Variants in CSMD1 observed in about 807,000 individuals in gnomAD.
CSMD1 encodes the protein CUB and sushi domain-containing protein 1.
CSMD1 carries 213 observed loss-of-function variants against 417.5 expected under a neutral mutation model. The ratio of observed to expected loss-of-function variants is 0.51; its 90% CI spans 0.46 to 0.57. The LOEUF is 0.57. Ranked by LOEUF, CSMD1 falls within the 20% of genes least tolerant of loss-of-function variation. The pLI is 0.00. For missense variants in CSMD1, 6,923 were observed against 4,529.7 expected, an observed-to-expected ratio of 1.53 and a Z score of -15.17; for synonymous variants, 2,862 against 1,736.8, an observed-to-expected ratio of 1.65 and a Z score of -16.11.
chr8:3,168,839 C>T (rs1199304143), intron 37 of CSMD1, among the ~76,000 whole-genome samples: 1 of 152,084 alleles, frequency 6.6e-6, no homozygotes, highest in African/African-American at 2.4e-5. Context: ...TTGTTACATC[C>T]TGCAGTCTCT....
chr8:4,644,851 T>A (rs556159923), intron 1 of CSMD1, among the ~76,000 whole-genome samples: 5 of 152,364 alleles, frequency 3.3e-5, no homozygotes, highest in African/African-American at 1.2e-4. Context: ...ATATGCCCAT[T>A]TCTAGAATAG....
chr8:3,664,180 C>A (rs1019945627), intron 7 of CSMD1, among the ~76,000 whole-genome samples: 1 of 152,264 alleles, frequency 6.6e-6, no homozygotes, highest in Non-Finnish European at 1.5e-5. Context: ...TATCCCTACC[C>A]TAGACCCCCA....
chr8:4,253,677 T>G (rs1803239828), intron 3 of CSMD1, among the ~76,000 whole-genome samples: 1 of 151,986 alleles, frequency 6.6e-6, no homozygotes, highest in African/African-American at 2.4e-5. Context: ...CAACATACAT[T>G]GATTCTGCAA....
intron 6 of CSMD1, among the ~76,000 whole-genome samples, chr8:3,740,149 A>C (rs1329096538): frequency 6.6e-6 from 1 of 152,138 alleles, no homozygotes; most frequent in Non-Finnish European, 1.5e-5. Flanking sequence ...CTTGTCCTCC[A>C]GGCTGGAGTG....
intron 1 of CSMD1, among the ~76,000 whole-genome samples, chr8:4,937,139 G>C (rs1486169852): frequency 6.6e-6 from 1 of 152,160 alleles, no homozygotes. Context: ...CTTGGGCCCA[G>C]GAGCTCAAGG....
chr8:4,647,593 G>A (rs943092802), intron 1 of CSMD1, among the ~76,000 whole-genome samples: 3 of 151,846 alleles, frequency 2.0e-5, no homozygotes, highest in African/African-American at 7.3e-5. Flanking sequence ...ATGTCCTGGT[G>A]TGTGTTGTTC....
chr8:3,800,992 C>A (rs1053233642), intron 5 of CSMD1, among the ~76,000 whole-genome samples: 1 of 151,966 alleles, frequency 6.6e-6, no homozygotes, highest in South Asian at 2.1e-4. Flanking sequence ...ATTTAAATTT[C>A]ATAGCTAAAA....
At chr8:4,605,613 C>G (rs935156572) in intron 2 of CSMD1, among the ~76,000 whole-genome samples, 22 of 152,178 alleles carry the variant, frequency 1.4e-4, no homozygotes, top group African/African-American at 5.3e-4. Context: ...AAAATCTAAC[C>G]ATGACCTTTC....
At chr8:3,303,144 G>A (rs1804545635) in intron 25 of CSMD1, among the ~76,000 whole-genome samples, 1 of 152,164 alleles carries the variant, frequency 6.6e-6, no homozygotes, top group South Asian at 2.1e-4. Flanking sequence ...TGGAGAAATT[G>A]GACATGCTTT....
At chr8:4,945,741 G>C (rs1350278212) in intron 1 of CSMD1, among the ~76,000 whole-genome samples, 1 of 152,072 alleles carries the variant, frequency 6.6e-6, no homozygotes, top group Non-Finnish European at 1.5e-5. Flanking sequence ...GTACAAGGAG[G>C]AGATGATGCC....
chr8:3,703,480 A>G, intron 7 of CSMD1, among the ~76,000 whole-genome samples: 1 of 149,696 alleles, frequency 6.7e-6, no homozygotes, highest in African/African-American at 2.5e-5. Context: ...TCATTCATTC[A>G]TCAGTAGATA....
rs555240748 is a variant in CSMD1 at position 3,390,935 on chromosome 8, G to A, written c.2594-3253C>T. 1.1e-4 allele frequency among the ~76,000 whole-genome samples: 17 copies of A among 152,142 alleles called. No individual in the cohort carries two copies. The South Asian group carries it at 2.9e-3, about 26-fold the overall frequency. ...AAATAGAGGTTGAAAAGTCACAGTT[G>A]ATAAAGCCAGTGAGCCAAGAAATTA... On this transcript the variant is annotated intron_variant, in intron 17 of 69. Coordinates refer to ENST00000635120, the MANE Select transcript of CSMD1 (RefSeq NM_033225.6).
intron 54 of CSMD1, among the ~76,000 whole-genome samples, chr8:2,980,213 G>C (rs1309602506): frequency 6.6e-6 from 1 of 152,196 alleles, no homozygotes; most frequent in African/African-American, 2.4e-5. Flanking sequence ...AGCCACTTAG[G>C]AGAAATGAGT....
intron 3 of CSMD1, among the ~76,000 whole-genome samples, chr8:4,369,139 T>C (rs896420465): frequency 6.6e-6 from 1 of 152,186 alleles, no homozygotes; most frequent in African/African-American, 2.4e-5. Flanking sequence ...GATTCTGGTA[T>C]TTTGTGTCTC....
intron 10 of CSMD1, among the ~76,000 whole-genome samples, chr8:3,497,225 C>G (rs1264685695): frequency 1.3e-5 from 2 of 152,088 alleles, no homozygotes; most frequent in East Asian, 3.9e-4. Context: ...ATAATCTGTT[C>G]CATGCTGAGA....
intron 5 of CSMD1, among the ~76,000 whole-genome samples, chr8:3,870,883 T>C (rs1413161524): frequency 6.6e-6 from 1 of 152,132 alleles, no homozygotes; most frequent in Non-Finnish European, 1.5e-5. Flanking sequence ...CTGAGTTTAA[T>C]GTTCCGTTTG....
At chr8:4,047,085 G>C (rs1234203640) in intron 3 of CSMD1, among the ~76,000 whole-genome samples, 1 of 152,284 alleles carries the variant, frequency 6.6e-6, no homozygotes, top group African/African-American at 2.4e-5. Context: ...TTTAAAAATG[G>C]TCTCTATGGC....
At chr8:4,461,104 G>C (rs959660883) in intron 2 of CSMD1, among the ~76,000 whole-genome samples, 2 of 150,592 alleles carry the variant, frequency 1.3e-5, no homozygotes, top group African/African-American at 5.0e-5. Context: ...GATAGGCTTA[G>C]CATCTGAAAA....
intron 52 of CSMD1, among the ~76,000 whole-genome samples, chr8:3,004,159 A>G (rs946205567): frequency 2.6e-5 from 4 of 152,208 alleles, no homozygotes; most frequent in African/African-American, 9.6e-5. Context: ...ATCTAGTGAT[A>G]ATAAAATACT....
Sources: gnomAD v4.1 joint callset for allele counts (sites outside exome capture counted in the v4.1 genomes callset) on GRCh38, gnomAD v4.1.1 for gene constraint, MANE v1.5 for transcripts, NCBI Gene and HGNC (gene_info 2026-07-23, HGNC 2026-07-21) for gene names.